Variants in FBXO10 observed in about 807,000 individuals in gnomAD.
FBXO10 encodes the protein F-box only protein 10.
A neutral mutation model predicts 80.7 loss-of-function variants in FBXO10; 39 were observed. The ratio of observed to expected loss-of-function variants is 0.48; its 90% confidence interval spans 0.37 to 0.63. The LOEUF is 0.63. Ranked by LOEUF, FBXO10 falls within the 30% of genes least tolerant of loss-of-function variation. The pLI is 0.00. For missense variants in FBXO10, 1,025 were observed against 1,269.0 expected, an observed-to-expected ratio of 0.81 and a Z score of 2.92; for synonymous variants, 449 against 489.6, an observed-to-expected ratio of 0.92 and a Z score of 1.09.
At chr9:37,523,748 C>A (rs989551140) in intron 6 of FBXO10, among the ~76,000 whole-genome samples, 5 of 152,104 alleles carry the variant, frequency 3.3e-5, no homozygotes, top group African/African-American at 1.2e-4. Context: ...ATGGAGAAAC[C>A]CCGTCTCTAC....
chr9:37,555,380 CT>C (rs56270239), intron 1 of FBXO10, among the ~76,000 whole-genome samples: 11 of 148,900 alleles, frequency 7.4e-5, no homozygotes, highest in South Asian at 2.1e-4. Context: ...AATCTTTTGT[CT>C]TTTTTTTTTC....
At chr9:37,555,672 C>T (rs903028225) in intron 1 of FBXO10, among the ~76,000 whole-genome samples, 5 of 151,770 alleles carry the variant, frequency 3.3e-5, no homozygotes, top group African/African-American at 1.2e-4. Context: ...TGAGCCACTG[C>T]GCCTGGTCCT....
intron 1 of FBXO10, among the ~76,000 whole-genome samples, chr9:37,549,023 T>C (rs1198549795): frequency 6.6e-6 from 1 of 152,106 alleles, no homozygotes; most frequent in Non-Finnish European, 1.5e-5. Flanking sequence ...GCTGGGGTTA[T>C]AGGTGTGAGC....
rs1346312824 is a variant in FBXO10 at position 37,568,508 on chromosome 9, C to T, written c.-7+7703G>A. ...CCACTGGCACACATCCCCACCCACC[C>T]AATTTACTTTGTTTTCAAGAAACCA... On this transcript the variant is annotated intron_variant, in intron 1 of 10. Transcript: ENST00000432825. Among the ~76,000 whole-genome samples the T allele has an allele frequency of 2.6e-5, 4 of 152,122 alleles. No individual in the cohort carries two copies. In the East Asian group the frequency reaches 7.7e-4, roughly 29 times the overall value.
chr9:37,541,135 G>A (rs773298878), intron 2 of FBXO10, 49 bp downstream of exon 2: 1 of 1,478,946 alleles, frequency 6.8e-7, no homozygotes. Context: ...AAGAGGGCAA[G>A]CCTCTGGGGT....
At chr9:37,572,120 C>CA (rs971237898) in intron 1 of FBXO10, among the ~76,000 whole-genome samples, 5 of 150,708 alleles carry the variant, frequency 3.3e-5, no homozygotes, top group South Asian at 2.1e-4. Flanking sequence ...ACCCTGTTTC[C>CA]AAAAAAAAGA....
intron 1 of FBXO10, among the ~76,000 whole-genome samples, chr9:37,552,819 A>C (rs1438681728): frequency 5.9e-5 from 9 of 152,204 alleles, no homozygotes. Flanking sequence ...TGGAAGGTAG[A>C]AAAGCAAGAG....
chr9:37,548,889 C>T, intron 1 of FBXO10, among the ~76,000 whole-genome samples: 1 of 152,132 alleles, frequency 6.6e-6, no homozygotes, highest in Non-Finnish European at 1.5e-5. Flanking sequence ...GCTGGGACTA[C>T]AGGCGCCCGC....
chr9:37,540,191 G>C (rs1203993670), intron 2 of FBXO10, among the ~76,000 whole-genome samples: 1 of 150,430 alleles, frequency 6.6e-6, no homozygotes, highest in Non-Finnish European at 1.5e-5. Context: ...ATATATATAT[G>C]ATTTTTTTTT....
intron 1 of FBXO10, among the ~76,000 whole-genome samples, chr9:37,551,605 G>C (rs1356367933): frequency 6.6e-6 from 1 of 152,202 alleles, no homozygotes; most frequent in Non-Finnish European, 1.5e-5. Flanking sequence ...AAGCATCCCT[G>C]AGCAATGAGC....
chr9:37,559,702 G>T (rs922496690), intron 1 of FBXO10, among the ~76,000 whole-genome samples: 1 of 152,116 alleles, frequency 6.6e-6, no homozygotes, highest in Non-Finnish European at 1.5e-5. Context: ...GTTACTTCTC[G>T]ACTAGAGCAC....
chr9:37,556,537 T>A lies in FBXO10; in HGVS notation c.-6-14763A>T, dbSNP rs1355662228. Among the ~76,000 whole-genome samples, 6 of 60,624 alleles carry A rather than the reference T, an allele frequency of 9.9e-5. No homozygotes were observed. The East Asian group carries it at 2.4e-3, about 24-fold the overall frequency. The allele number at this position is 60,624 out of a possible 152,430, so 39.8% of individuals were successfully genotyped here. On this transcript the variant is annotated intron_variant, in intron 1 of 10. Transcript: ENST00000432825. ...TTGAGGATATTTTTGTTCTGGATTT[T>A]TTTTTTTTTTTTTTTTTTTTTTTTG...
chr9:37,516,209 G>C (rs745586460), intron 9 of FBXO10, 124 bp from the exon 10 acceptor site: 28 of 1,085,832 alleles, frequency 2.6e-5, no homozygotes, highest in Admixed American at 8.9e-5. Flanking sequence ...TCAGTGAAGA[G>C]CCTATGAGCT....
At chr9:37,525,549 A>T (rs1017865311) in intron 5 of FBXO10, among the ~76,000 whole-genome samples, 1 of 151,414 alleles carries the variant, frequency 6.6e-6, no homozygotes, top group African/African-American at 2.4e-5. Flanking sequence ...ATACCCATGC[A>T]TATATATATA....
intron 2 of FBXO10, among the ~76,000 whole-genome samples, chr9:37,538,365 A>C (rs1312142992): frequency 6.6e-6 from 1 of 152,144 alleles, no homozygotes; most frequent in Non-Finnish European, 1.5e-5. Flanking sequence ...CTCTAAAGAG[A>C]GGGGACAAGG....
rs201808923 is a variant in FBXO10 at position 37,521,727 on chromosome 9, C to T, written c.2042G>A (p.Gly681Asp). 48 of 1,613,770 alleles carry T rather than the reference C, an allele frequency of 3.0e-5. No individual in the cohort carries two copies. Among genetic ancestry groups the T allele is most frequent in the East Asian group, 4.5e-5 (2 of 44,896 alleles). ...GTGGCCTCGAGGTAACTCGCTGGAG[C>T]CATCCTTCTGGCTAAATACTGCCAC... ...YGVAVFSQKD[G>D]SSELPRGHRA... Residue 681 changes from glycine (G) to aspartate (D), a missense_variant, in exon 8 of 11, where the codon GGC (glycine) becomes GAC (aspartate). Transcript: ENST00000432825.
intron 3 of FBXO10, among the ~76,000 whole-genome samples, chr9:37,536,888 T>C (rs572461340): frequency 7.9e-5 from 12 of 152,294 alleles, no homozygotes; most frequent in South Asian, 6.2e-4. Flanking sequence ...CTGCCTAACT[T>C]GCTATGTGAC....
Position 37,541,552 on chromosome 9 carries a change from C to T in FBXO10, c.217G>A (p.Glu73Lys), listed in dbSNP as rs770038663. ...QPDVEPESWR[E>K]AFKQHYLASK... ...GCAAGGTAATGCTGCTTGAAGGCTT[C>T]TCTCCAAGACTCAGGCTCCACATCT... The change falls in exon 2 of 11, where the codon GAA becomes AAA. Residue 73 changes from glutamate to lysine, a missense_variant. Around this residue, in one of 3 missense-constraint regions of FBXO10, gnomAD observed 450 missense variants for 499.4 expected, o/e 0.90. Transcript: ENST00000432825. 1.2e-6 allele frequency: 2 copies of T among 1,613,682 alleles called. No individual in the cohort carries two copies. Among genetic ancestry groups the T allele is most frequent in the Admixed American group, 1.7e-5 (1 of 59,946 alleles).
In FBXO10 at chr9:37,518,933, G is replaced by A. The variant is rs1364235692; in HGVS notation, c.2201-495C>T. 2.8e-5 allele frequency among the ~76,000 whole-genome samples: 4 copies of A among 142,066 alleles called. No individual in the cohort carries two copies. The South Asian group carries it at 6.5e-4, about 23-fold the overall frequency. 93.2% of individuals were successfully genotyped at this position (142,066 alleles called of 152,430 possible). A position where few individuals can be genotyped will look rare whatever the true frequency, so the allele number is the denominator to read the frequency against. ...ATTTTCTTTTTTTTTTTTTTGAGAC[G>A]GAGTCTCGCTCTGTCGCCCAGGTTG... On this transcript the variant is annotated intron_variant, in intron 8 of 10. Transcript: ENST00000432825.
Sources: gnomAD v4.1 joint callset for allele counts (sites outside exome capture counted in the v4.1 genomes callset) on GRCh38, gnomAD v4.1.1 for gene constraint, gnomAD v4.1.1 regional missense constraint, MANE v1.5 for transcripts, NCBI Gene and HGNC (gene_info 2026-07-23, HGNC 2026-07-21) for gene names.